The following DPAGT1 variants were observed in gnomAD, a reference collection of about 807,000 sequenced individuals.
The protein encoded by DPAGT1 is dolichyl-phosphate N-acetylglucosaminephosphotransferase 1.
Under a neutral mutation model 39.3 loss-of-function variants are expected in DPAGT1, and 25 were observed. The observed-to-expected ratio is 0.64, with a 90% CI of 0.46 to 0.89. DPAGT1 has a LOEUF of 0.89. Ranked by LOEUF, DPAGT1 falls within the 40% of genes least tolerant of loss-of-function variation. DPAGT1 has a pLI of 0.00. For missense variants in DPAGT1, 381 were observed against 500.6 expected (o/e 0.76, Z 2.28); for synonymous variants, 193 against 201.4 (o/e 0.96, Z 0.36).
In DPAGT1 at chr11:119,097,108, G is replaced by A; in HGVS notation, c.1161+34C>T. 6.2e-7 allele frequency: 1 copy of A among 1,614,224 alleles called. No individual in the cohort carries two copies. Among genetic ancestry groups the A allele is most frequent in the East Asian group, 2.2e-5 (1 of 44,884 alleles). ...GGAGTAAGAATCACGCAGAAAGGGA[G>A]ACACGGAGGTATAAACTCGATTCCC... On this transcript the variant is annotated intron_variant, in intron 8 of 8. Transcript: ENST00000354202. The surrounding 1 kb of genome is among the most constrained non-coding windows in gnomAD (Gnocchi z 4.6).
At chr11:119,098,541 C>A (rs1018125710) in intron 4 of DPAGT1, 54 bp from the exon 5 acceptor site, 6 of 1,579,810 alleles carry the variant, frequency 3.8e-6, no homozygotes, top group Admixed American at 1.7e-5. Context: ...CCTCTGCAAA[C>A]CTTGGTCCTA....
rs1302541541 is a variant in DPAGT1, at chr11:119,097,642, C to A, written c.918-91G>T. 1 of 1,503,510 alleles carries A rather than the reference C, an allele frequency of 6.7e-7. No individual in the cohort carries two copies. The allele number at this position is 1,503,510 out of a possible 1,614,324, so 93.1% of individuals were successfully genotyped here. A position where few individuals can be genotyped will look rare whatever the true frequency, so the allele number is the denominator to read the frequency against. Reference sequence around the variant, plus strand: ...GGAAGAGCATTGAATGTGGAGTCAACCTGAGATCTATTTCTGGCTCTGCTG... The same window carrying A: ...GGAAGAGCATTGAATGTGGAGTCAAACTGAGATCTATTTCTGGCTCTGCTG... On this transcript the variant is annotated intron_variant, in intron 6 of 8. Transcript: ENST00000354202. This position sits in a 1 kb window ranked among gnomAD's most constrained non-coding sequence, Gnocchi z 4.6.
intron 5 of DPAGT1, 162 bp downstream of exon 5, chr11:119,098,241 C>T: frequency 9.1e-7 from 1 of 1,095,966 alleles, no homozygotes; most frequent in South Asian, 1.3e-5. Flanking sequence ...TCCCTAACTA[C>T]TACTGGGTAG....
chr11:119,095,423 C>G, downstream of DPAGT1: 2 of 1,488,206 alleles, frequency 1.3e-6, no homozygotes, highest in East Asian at 2.4e-5. Context: ...TGAAGCACGA[C>G]GGCTCAAACA....
rs1346777137 is a variant in DPAGT1, at chr11:119,101,275, G to A, written c.162-137C>T. ...CTGGTAAGTGGTGAGGGGGGCGGAG[G>A]GAGGAAAGCACCACTGCCAGAGTCC... On this transcript the variant is annotated intron_variant, in intron 1 of 8. Coordinates refer to ENST00000354202, the MANE Select transcript of DPAGT1 (RefSeq NM_001382.4). The A allele has an allele frequency of 2.9e-6, 4 of 1,387,190 alleles. No homozygotes were observed. The African/African-American group carries it at 5.7e-5, about 20-fold the overall frequency. 85.9% of individuals were successfully genotyped at this position (1,387,190 alleles called of 1,614,324 possible). A position where few individuals can be genotyped will look rare whatever the true frequency, so the allele number is the denominator to read the frequency against.
At chr11:119,101,335 C>T in intron 1 of DPAGT1, 160 bp downstream of exon 1, 1 of 1,465,242 alleles carries the variant, frequency 6.8e-7, no homozygotes, top group South Asian at 1.2e-5. Context: ...CATCCTTTCC[C>T]CAATGCGAGT....
downstream of DPAGT1, chr11:119,095,378 T>C: frequency 6.4e-7 from 1 of 1,568,736 alleles, no homozygotes; most frequent in Non-Finnish European, 8.6e-7. Context: ...GCCGCCAGTC[T>C]TGCCGCGGCC....
At chr11:119,095,972 T>G (rs1333957615), downstream of DPAGT1, among the ~76,000 whole-genome samples, 1 of 152,110 alleles carries the variant, frequency 6.6e-6, no homozygotes, top group African/African-American at 2.4e-5. Context: ...CTTTCTTTCT[T>G]TTTTTAATAG....
chr11:119,095,527 G>T, downstream of DPAGT1: 1 of 1,011,602 alleles, frequency 9.9e-7, no homozygotes, highest in Non-Finnish European at 1.4e-6. Flanking sequence ...GCGCCCTCCT[G>T]ATTGGCTCTT....
chr11:119,101,162 G>C (rs181437941), intron 1 of DPAGT1, 24 bp from the exon 2 acceptor site: 151 of 1,613,608 alleles, frequency 9.4e-5, no homozygotes, highest in Non-Finnish European at 1.2e-4. Context: ...GCAAGGGGGC[G>C]AGGGGGAAGA....
intron 2 of DPAGT1, 84 bp downstream of exon 2, chr11:119,100,934 T>C (rs1946492135): frequency 6.2e-7 from 1 of 1,613,538 alleles, no homozygotes; most frequent in African/African-American, 1.3e-5. Context: ...TCTTAGCCCC[T>C]CCCCACAAGC....
intron 1 of DPAGT1, 120 bp from the exon 2 acceptor site, chr11:119,101,258 T>C: frequency 1.4e-6 from 2 of 1,460,076 alleles, no homozygotes; most frequent in South Asian, 2.4e-5. Context: ...TTCTGGTAAG[T>C]GGTGAGGGGG....
downstream of DPAGT1, chr11:119,094,994 T>A: frequency 6.2e-7 from 1 of 1,612,658 alleles, no homozygotes; most frequent in Non-Finnish European, 8.5e-7. Flanking sequence ...GGTGGCCTTC[T>A]TGCCGCCCGA....
At chr11:119,095,408 A>G, downstream of DPAGT1, 8 of 1,526,184 alleles carry the variant, frequency 5.2e-6, no homozygotes, top group Non-Finnish European at 7.0e-6. Context: ...AGCGAGGTAG[A>G]CCGGTGAAGC....
chr11:119,095,386 G>A (rs1946373445), downstream of DPAGT1: 1 of 1,560,262 alleles, frequency 6.4e-7, no homozygotes, highest in Non-Finnish European at 8.6e-7. Context: ...TCTTGCCGCG[G>A]CCCGACATGC....
chr11:119,095,586 C>G, downstream of DPAGT1: 1 of 582,010 alleles, frequency 1.7e-6, no homozygotes, highest in Non-Finnish European at 2.8e-6. Context: ...TTGGGTGTCG[C>G]GGCTCGGCTG....
At position 119,097,202 on chromosome 11, in the gene DPAGT1, T is replaced by C. The variant is rs1442358846; in HGVS notation, c.1101A>G (p.Leu367=). The C allele has an allele frequency of 1.2e-6, 2 of 1,614,020 alleles. No homozygotes were observed. Among genetic ancestry groups the C allele is most frequent in the African/African-American group, 1.3e-5 (1 of 74,894 alleles). The change falls in exon 8 of 9, where the codon CTA becomes CTG. Residue 367 remains leucine, a synonymous_variant. Transcript: ENST00000354202. The surrounding 1 kb of genome is among the most constrained non-coding windows in gnomAD (Gnocchi z 4.6). ...CATGTATGGGCCCAAGGACTTTAAG[T>C]AGCAAGTTGATGAGGGTCATGTTGT... ...ECNNMTLINL[L]LKVLGPIHER...
In DPAGT1 at chr11:119,096,747, G is replaced by T. The variant is rs1185762175; in HGVS notation, c.*251C>A. On this transcript the variant is annotated 3_prime_UTR_variant, in exon 9 of 9. Coordinates refer to ENST00000354202, the MANE Select transcript of DPAGT1 (RefSeq NM_001382.4). ...GTATCCCACCCTATGAGGCTGCAAA[G>T]ATGGGATGGAGAGGGAGAGAGTAGC... is the stretch of plus-strand genomic sequence containing the variant. The T allele has an allele frequency of 7.0e-6, 4 of 575,234 alleles. No homozygotes were observed. The African/African-American group carries it at 7.5e-5, about 11-fold the overall frequency. The allele number at this position is 575,234 out of a possible 1,614,324, so 35.6% of individuals were successfully genotyped here. A position where few individuals can be genotyped will look rare whatever the true frequency, so the allele number is the denominator to read the frequency against.
rs752484662 is a variant in DPAGT1, at chr11:119,097,254, G to C, written c.1049C>G (p.Thr350Ser). The C allele has an allele frequency of 6.2e-7, 1 of 1,614,220 alleles. No homozygotes were observed. Among genetic ancestry groups the C allele is most frequent in the Admixed American group, 1.7e-5 (1 of 60,034 alleles). ...ACATTCAGTGAATTCACCATCTTCAGTCTCACTCTGGTGTACTGTCACCAG... is the reference window on the plus strand; with the variant it reads ...ACATTCAGTGAATTCACCATCTTCACTCTCACTCTGGTGTACTGTCACCAG... The part of the protein sequence containing the change: ...LQLVTVHQSE[T>S]EDGEFTECNN... The change falls in exon 8 of 9, where the codon ACT becomes AGT. Residue 350 changes from threonine to serine, a missense_variant. Coordinates refer to ENST00000354202, the MANE Select transcript of DPAGT1 (RefSeq NM_001382.4). The surrounding 1 kb of genome is among the most constrained non-coding windows in gnomAD (Gnocchi z 4.6).
Sources: allele counts gnomAD v4.1 joint callset (sites outside exome capture counted in the v4.1 genomes callset), GRCh38; gene constraint gnomAD v4.1.1; non-coding constraint Gnocchi (gnomAD v3.1); transcripts MANE v1.5; gene names NCBI Gene and HGNC (gene_info 2026-07-23, HGNC 2026-07-21).